EXD3: variants seen among roughly 807,000 people sequenced by gnomAD.
EXD3 encodes the protein exonuclease 3'-5' domain containing 3.
EXD3 carries 92 observed loss-of-function variants against 98.0 expected under a neutral mutation model. The observed-to-expected ratio is 0.94, with a 90% CI of 0.79 to 1.12. The LOEUF is 1.12. Ranked by LOEUF, EXD3 falls within the 50% of genes most tolerant of loss-of-function variation. The pLI, the probability that EXD3 is intolerant of heterozygous loss-of-function variation, is 0.00. For synonymous variants in EXD3, 569 were observed against 526.0 expected (o/e 1.08, Z -1.12); for missense variants, 1,222 against 1,191.6 (o/e 1.03, Z -0.38).
At chr9:137,368,999 T>G (rs960186691) in intron 5 of EXD3, among the ~76,000 whole-genome samples, 1,387 of 17,852 alleles carry the variant, frequency 0.078, no homozygotes, top group Non-Finnish European at 0.084. Context: ...CGGGGCGGGG[T>G]GGGGGGGCTT....
chr9:137,344,036 T>TA (rs1170513881), intron 17 of EXD3, among the ~76,000 whole-genome samples: 26 of 148,518 alleles, frequency 1.8e-4, no homozygotes, highest in South Asian at 4.3e-4. Flanking sequence ...GGACTACAGG[T>TA]GCCCGCCACC....
At chr9:137,418,610 T>G (rs1007816919) in intron 1 of EXD3, among the ~76,000 whole-genome samples, 1 of 152,240 alleles carries the variant, frequency 6.6e-6, no homozygotes, top group Non-Finnish European at 1.5e-5. Flanking sequence ...GGTCACGAAG[T>G]TAACACTGTA....
intron 3 of EXD3, among the ~76,000 whole-genome samples, chr9:137,378,160 A>G (rs910187989): frequency 3.3e-5 from 5 of 152,016 alleles, no homozygotes; most frequent in African/African-American, 1.2e-4. Flanking sequence ...CACATGACCC[A>G]GCAATTCTAT....
In EXD3 at chr9:137,323,934, A is replaced by G. The variant is rs980752139; in HGVS notation, c.2053-78T>C. ...CCAGGCCCAGCCCGCCTCCGCCAGC[A>G]TGGGGCAGGAGCCTTCTCTCGGCCC... On this transcript the variant is annotated intron_variant, in intron 18 of 21. Transcript: ENST00000340951. 1.2e-5 allele frequency: 19 copies of G among 1,537,998 alleles called. 1 individual carries two copies. In the African/African-American group the frequency reaches 1.5e-4, roughly 12 times the overall value.
intron 17 of EXD3, among the ~76,000 whole-genome samples, chr9:137,328,628 GGGACTACACGGGGCTACACGGGA>G (rs1832658182): frequency 5.7e-5 from 5 of 87,458 alleles, no homozygotes; most frequent in Admixed American, 3.3e-4. Flanking sequence ...GGGACTACAC[GGGACTACACGGGGCTACACGGGA>G]CTACACGGGA....
rs1837048610 is a variant in EXD3 at position 137,393,521 on chromosome 9, C to T, written c.55+1782G>A. Among the ~76,000 whole-genome samples, 2 of 152,312 alleles carry T rather than the reference C, an allele frequency of 1.3e-5. No homozygotes were observed. Among genetic ancestry groups the T allele is most frequent in the South Asian group, 4.1e-4 (2 of 4,834 alleles). ...AAGCCCCGCCCAGCTCAGAGGTGGC[C>T]CCTCCCCGAGCACACGCTGACCTGG... On this transcript the variant is annotated intron_variant, in intron 2 of 21. Coordinates refer to ENST00000340951, the MANE Select transcript of EXD3 (RefSeq NM_017820.5). This position sits in a 1 kb window ranked among gnomAD's most constrained non-coding sequence, Gnocchi z 4.6.
chr9:137,362,498 A>C (rs980299262), intron 7 of EXD3, among the ~76,000 whole-genome samples: 4 of 151,280 alleles, frequency 2.6e-5, no homozygotes, highest in African/African-American at 9.8e-5. Flanking sequence ...ATAGAAAGGA[A>C]CTTCCTCATT....
In EXD3 at chr9:137,347,290, C is replaced by T. The variant is rs28548764; in HGVS notation, c.1998+781G>A. 0.027 allele frequency among the ~76,000 whole-genome samples: 4,148 copies of T among 152,250 alleles called. 224 individuals are homozygous for T. The highest frequency in any genetic ancestry group is 0.094 in the African/African-American group (3,888 of 41,544). Reference sequence around the variant, plus strand: ...TTAGGAGACTCCGGGGAAGAACCTGCTTCTGGGCTTGGTCAGGTGTTGGCA... The same window carrying T: ...TTAGGAGACTCCGGGGAAGAACCTGTTTCTGGGCTTGGTCAGGTGTTGGCA... On this transcript the variant is annotated intron_variant, in intron 17 of 21. Coordinates refer to ENST00000340951, the MANE Select transcript of EXD3 (RefSeq NM_017820.5). The surrounding 1 kb of genome is among the most constrained non-coding windows in gnomAD (Gnocchi z 4.2).
At chr9:137,322,337 CCTGGACCAGGGATTCTCTG>C (rs1564469775) in intron 19 of EXD3, among the ~76,000 whole-genome samples, 8 of 152,152 alleles carry the variant, frequency 5.3e-5, no homozygotes, top group South Asian at 2.1e-4. Flanking sequence ...GACGCCTCAC[CCTGGACCAGGGATTCTCTG>C]CCGACACCTC....
chr9:137,411,614 C>T (rs376740694), intron 1 of EXD3, among the ~76,000 whole-genome samples: 10 of 151,516 alleles, frequency 6.6e-5, no homozygotes, highest in Admixed American at 2.0e-4. Flanking sequence ...GGCAGGCCAG[C>T]GGCGGCCGTC....
chr9:137,366,702 A>G, intron 6 of EXD3, 70 bp from the exon 7 acceptor site: 1 of 1,504,172 alleles, frequency 6.6e-7, no homozygotes, highest in South Asian at 1.3e-5. Context: ...CCTCCAACCC[A>G]GAGGGAGCGG....
At position 137,349,267 on chromosome 9, in the gene EXD3, C is replaced by A; in HGVS notation, c.1673G>T (p.Cys558Phe). Reference protein sequence around the residue: ...QVIYAAADAYCLLEVHQALCR... With the variant: ...QVIYAAADAYFLLEVHQALCR... ...CAGGGCTTGGTGCACCTCCAGCAGG[C>A]AGTAGGCGTCGGCAGCTGTGTGGGG... Residue 558 changes from cysteine to phenylalanine, a missense_variant, in exon 16 of 22, where the codon TGC becomes TTC. By Grantham distance (205) the Cys-to-Phe change is radical. Transcript: ENST00000340951. This position sits in a 1 kb window ranked among gnomAD's most constrained non-coding sequence, Gnocchi z 7.4. The A allele has an allele frequency of 6.4e-7, 1 of 1,567,510 alleles. No homozygotes were observed.
chr9:137,320,271 G>T (rs1186524594), intron 19 of EXD3, among the ~76,000 whole-genome samples: 1 of 152,310 alleles, frequency 6.6e-6, no homozygotes, highest in South Asian at 2.1e-4. Flanking sequence ...GCAGGTCGCT[G>T]CCTGGGGCTG....
chr9:137,354,874 C>T, intron 8 of EXD3, 101 bp from the exon 9 acceptor site: 1 of 1,150,848 alleles, frequency 8.7e-7, no homozygotes, highest in Non-Finnish European at 1.2e-6. Flanking sequence ...GCGCCTGCCC[C>T]TTCACCGTCC....
intron 10 of EXD3, chr9:137,353,079 C>G (rs942048977): frequency 2.0e-5 from 25 of 1,249,454 alleles, no homozygotes; most frequent in Admixed American, 4.2e-5. Flanking sequence ...TCAGTTCAGC[C>G]CCAGCTGGCC....
intron 1 of EXD3, among the ~76,000 whole-genome samples, chr9:137,404,217 G>A (rs1437904030): frequency 2.0e-5 from 3 of 152,184 alleles, no homozygotes; most frequent in Admixed American, 1.3e-4. Context: ...TGGCGCCTAG[G>A]GCTTCAACAT....
chr9:137,349,341 G>C lies in EXD3; in HGVS notation c.1657+28C>G. 4 of 1,557,992 alleles carry C rather than the reference G, an allele frequency of 2.6e-6. No homozygotes were observed. The highest frequency in any genetic ancestry group is 3.5e-6 in the Non-Finnish European group (4 of 1,156,952). On this transcript the variant is annotated intron_variant, in intron 15 of 21. Transcript: ENST00000340951. The surrounding 1 kb of genome is among the most constrained non-coding windows in gnomAD (Gnocchi z 7.4). ...AGAGGGCGGGAGGGGCGTGAGGAGGGGTCACTCCCACCCGCCGCACCGCAC... is the reference window on the plus strand; with the variant it reads ...AGAGGGCGGGAGGGGCGTGAGGAGGCGTCACTCCCACCCGCCGCACCGCAC...
At chr9:137,314,536 C>T (rs979546515) in intron 19 of EXD3, among the ~76,000 whole-genome samples, 1 of 152,152 alleles carries the variant, frequency 6.6e-6, no homozygotes, top group Non-Finnish European at 1.5e-5. Flanking sequence ...CCCTAAGGCC[C>T]CGGGAACGTC....
intron 8 of EXD3, among the ~76,000 whole-genome samples, chr9:137,355,671 G>GGGAGGAAGGAGGAAGGAGGAAGGAGGAA (rs1834710218): frequency 5.2e-5 from 1 of 19,084 alleles, no homozygotes; most frequent in African/African-American, 1.9e-4. Context: ...GAAGGAGAAA[G>GGGAGGAAGGAGGAAGGAGGAAGGAGGAA]GGAGGATGGA....
Sources: allele counts gnomAD v4.1 joint callset (sites outside exome capture counted in the v4.1 genomes callset), GRCh38; gene constraint gnomAD v4.1.1; non-coding constraint Gnocchi (gnomAD v3.1); transcripts MANE v1.5; gene names NCBI Gene and HGNC (gene_info 2026-07-23, HGNC 2026-07-21).